Variants in LPXN observed in about 807,000 individuals in gnomAD.
LPXN encodes the protein leupaxin.
In LPXN, 28 loss-of-function variants were observed where a neutral mutation model predicts 45.6. That is an observed-to-expected ratio of 0.61 (90% CI 0.45 to 0.84). The LOEUF (loss-of-function observed/expected upper bound fraction) is 0.84, where lower values mean the gene tolerates loss of function less well. Among genes scored for constraint, LPXN ranks in the 40% least tolerant of loss-of-function variants. The pLI, the probability that LPXN is intolerant of heterozygous loss-of-function variation, is 0.00. For synonymous variants in LPXN, 166 were observed against 169.9 expected, an observed-to-expected ratio of 0.98 and a Z score of 0.18; for missense variants, 459 against 475.0, an observed-to-expected ratio of 0.97 and a Z score of 0.31.
intron 3 of LPXN, among the ~76,000 whole-genome samples, chr11:58,561,928 G>A (rs1363091901): frequency 6.6e-6 from 1 of 152,198 alleles, no homozygotes; most frequent in African/African-American, 2.4e-5. Flanking sequence ...CCTGAAAAGA[G>A]AAGAACCTTT....
Position 58,550,056 on chromosome 11 carries a change from G to T in LPXN, c.577C>A (p.Arg193=). ...EEIGSSPFFE[R]SGLAYCPNDY... The stretch of plus-strand genomic sequence containing the variant: ...TTGGGGCAGTAGGCCAAGCCACTCC[G>T]CTCAAAGAAGGGACTGGAGCCAATC... The change falls in exon 6 of 9, where the codon CGG becomes AGG. Residue 193 remains arginine (R), a synonymous_variant. Coordinates refer to ENST00000395074, the MANE Select transcript of LPXN (RefSeq NM_004811.3). 1 of 1,614,144 alleles carries T rather than the reference G, an allele frequency of 6.2e-7. No individual in the cohort carries two copies. Among genetic ancestry groups the T allele is most frequent in the Non-Finnish European group, 8.5e-7 (1 of 1,179,998 alleles).
At position 58,528,349 on chromosome 11, in the gene LPXN, T is replaced by C. The variant is rs1238934367; in HGVS notation, c.743-158A>G. Among the ~76,000 whole-genome samples the C allele has an allele frequency of 2.0e-5, 3 of 152,348 alleles. No individual in the cohort carries two copies. In the East Asian group the frequency reaches 5.8e-4, roughly 29 times the overall value. On this transcript the variant is annotated intron_variant, in intron 7 of 8. Coordinates refer to ENST00000395074, the MANE Select transcript of LPXN (RefSeq NM_004811.3). ...GGGTAGTTGTAAGAAATAAATGAGA[T>C]AATGCAGAGGAAGTGTTTTGGCATT...
chr11:58,577,925 G>A (rs1371729188), upstream of LPXN: 2 of 1,379,602 alleles, frequency 1.4e-6, no homozygotes, highest in East Asian at 5.2e-5. Flanking sequence ...ACTGAGTAGT[G>A]GGCCTTGTGC....
At chr11:58,555,893 CCAAGT>C (rs1854188984) in intron 3 of LPXN, among the ~76,000 whole-genome samples, 1 of 151,828 alleles carries the variant, frequency 6.6e-6, no homozygotes, top group Non-Finnish European at 1.5e-5. Context: ...AATAAAACTT[CCAAGT>C]CAAGAGTCTC....
chr11:58,553,335 C>CA (rs35629114), intron 4 of LPXN, among the ~76,000 whole-genome samples: 28,981 of 68,084 alleles, frequency 0.43, 5,044 homozygotes, highest in Middle Eastern at 0.51. Context: ...GAATCTGTCT[C>CA]AAAAAAAAAA....
At chr11:58,554,818 C>T in intron 4 of LPXN, 23 bp downstream of exon 4, 1 of 1,603,290 alleles carries the variant, frequency 6.2e-7, no homozygotes, top group African/African-American at 1.3e-5. Flanking sequence ...CCTTGGCCTG[C>T]ACTCACCTTG....
intron 7 of LPXN, among the ~76,000 whole-genome samples, chr11:58,545,796 T>G (rs1803213900): frequency 6.6e-6 from 1 of 152,218 alleles, no homozygotes. Flanking sequence ...CAAGTTGAAA[T>G]CTTGCCTCTT....
At chr11:58,533,788 C>T (rs1341478475) in intron 7 of LPXN, among the ~76,000 whole-genome samples, 1 of 151,202 alleles carries the variant, frequency 6.6e-6, no homozygotes, top group Non-Finnish European at 1.5e-5. Flanking sequence ...ATCTCACATG[C>T]AAAGACACAC....
intron 7 of LPXN, among the ~76,000 whole-genome samples, chr11:58,549,566 T>G (rs1010217713): frequency 9.9e-5 from 15 of 152,056 alleles, no homozygotes; most frequent in Admixed American, 3.3e-4. Context: ...AATATTTGAG[T>G]TTTTAAACTA....
At chr11:58,531,215 T>C (rs539526322) in intron 7 of LPXN, among the ~76,000 whole-genome samples, 238 of 152,142 alleles carry the variant, frequency 1.6e-3, no homozygotes, top group African/African-American at 4.8e-3. Context: ...GACGAACTGA[T>C]AGAAGTAGGC....
intron 7 of LPXN, among the ~76,000 whole-genome samples, chr11:58,543,600 C>T (rs1468968958): frequency 1.3e-5 from 2 of 152,096 alleles, no homozygotes; most frequent in East Asian, 3.9e-4. Context: ...TGCAAAAAGA[C>T]AGCTTAGAGA....
chr11:58,558,413 T>G (rs984783587), intron 3 of LPXN, among the ~76,000 whole-genome samples: 7 of 151,440 alleles, frequency 4.6e-5, no homozygotes, highest in African/African-American at 1.7e-4. Context: ...AGCACACATC[T>G]GTCGTCTCAG....
intron 3 of LPXN, among the ~76,000 whole-genome samples, chr11:58,556,414 G>C (rs1369862021): frequency 6.6e-6 from 1 of 151,966 alleles, no homozygotes; most frequent in African/African-American, 2.4e-5. Flanking sequence ...TATATAGCAA[G>C]CCTCATAATT....
intron 7 of LPXN, among the ~76,000 whole-genome samples, chr11:58,545,391 C>G (rs1349827681): frequency 6.6e-6 from 1 of 152,148 alleles, no homozygotes. Context: ...TCATAATGAT[C>G]CATAGGCAGT....
At chr11:58,538,500 G>C (rs1438050382) in intron 7 of LPXN, among the ~76,000 whole-genome samples, 1 of 152,024 alleles carries the variant, frequency 6.6e-6, no homozygotes, top group East Asian at 1.9e-4. Flanking sequence ...TTGTGGTTTT[G>C]ATTTGCATTT....
At chr11:58,578,525 G>C (rs1322408238), upstream of LPXN, among the ~76,000 whole-genome samples, 1 of 152,214 alleles carries the variant, frequency 6.6e-6, no homozygotes, top group Non-Finnish European at 1.5e-5. Context: ...AACCGACGGG[G>C]CTTTTTTTCT....
intron 7 of LPXN, among the ~76,000 whole-genome samples, chr11:58,529,320 G>A (rs1282143549): frequency 6.6e-6 from 1 of 152,058 alleles, no homozygotes; most frequent in Non-Finnish European, 1.5e-5. Flanking sequence ...ATTAAAAAGT[G>A]AAAAAATTGG....
chr11:58,562,428 T>G (rs1854405917), intron 3 of LPXN, among the ~76,000 whole-genome samples: 1 of 152,210 alleles, frequency 6.6e-6, no homozygotes, highest in Non-Finnish European at 1.5e-5. Flanking sequence ...TGTGCATCTA[T>G]CTATTACATA....
chr11:58,564,119 T>C (rs1269513697), intron 3 of LPXN, 36 bp downstream of exon 3: 2 of 1,330,190 alleles, frequency 1.5e-6, no homozygotes, highest in Non-Finnish European at 2.1e-6. Context: ...TCTACTAACT[T>C]TAATTTTTAA....
Sources: gnomAD v4.1 joint callset for allele counts (sites outside exome capture counted in the v4.1 genomes callset) on GRCh38, gnomAD v4.1.1 for gene constraint, MANE v1.5 for transcripts, NCBI Gene and HGNC (gene_info 2026-07-23, HGNC 2026-07-21) for gene names.